The following LYPD6 variants were observed in gnomAD, a reference collection of about 807,000 sequenced individuals.
LYPD6 encodes ly6/PLAUR domain-containing protein 6.
LYPD6 carries 15 observed loss-of-function variants against 22.7 expected under a neutral mutation model. The ratio of observed to expected loss-of-function variants is 0.66; its 90% CI spans 0.44 to 1.02. The LOEUF is 1.02. Ranked by LOEUF, LYPD6 falls within the 50% of genes least tolerant of loss-of-function variation. The pLI is 0.00. For missense variants in LYPD6, 189 were observed against 208.4 expected (o/e 0.91, Z 0.57); for synonymous variants, 72 against 77.5 (o/e 0.93, Z 0.37).
At chr2:149,440,394 G>T in intron 2 of LYPD6, 1 of 165,196 alleles carries the variant, frequency 6.1e-6, no homozygotes. Flanking sequence ...TATCCCGGAA[G>T]AAACTGAAGA....
At chr2:149,423,556 G>A (rs940508166) in intron 1 of LYPD6, among the ~76,000 whole-genome samples, 1 of 152,098 alleles carries the variant, frequency 6.6e-6, no homozygotes, top group Non-Finnish European at 1.5e-5. Flanking sequence ...GCTGAAAAGT[G>A]TCCTAGCCAG....
chr2:149,453,927 A>T (rs1680894993), intron 3 of LYPD6, among the ~76,000 whole-genome samples: 1 of 152,154 alleles, frequency 6.6e-6, no homozygotes, highest in African/African-American at 2.4e-5. Flanking sequence ...GCAATTTATT[A>T]TGGCTTATCT....
intron 1 of LYPD6, among the ~76,000 whole-genome samples, chr2:149,338,007 ATT>A (rs35757769): frequency 6.6e-6 from 1 of 151,876 alleles, no homozygotes; most frequent in African/African-American, 2.4e-5. Flanking sequence ...TATGTACCAC[ATT>A]TTTTTTAATC....
downstream of LYPD6, among the ~76,000 whole-genome samples, chr2:149,475,052 A>C (rs1207560364): frequency 6.6e-6 from 1 of 152,188 alleles, no homozygotes; most frequent in Non-Finnish European, 1.5e-5. Flanking sequence ...GAAATTCTTC[A>C]CTTTATAAAT....
At chr2:149,400,835 C>G (rs1372141305) in intron 1 of LYPD6, among the ~76,000 whole-genome samples, 1 of 152,070 alleles carries the variant, frequency 6.6e-6, no homozygotes, top group Non-Finnish European at 1.5e-5. Context: ...TTGTGTAAAT[C>G]TAGATGGATC....
intron 1 of LYPD6, among the ~76,000 whole-genome samples, chr2:149,422,311 G>A (rs552350401): frequency 1.2e-4 from 19 of 152,286 alleles, no homozygotes; most frequent in South Asian, 1.2e-3. Flanking sequence ...AGCAGTCAGC[G>A]TGCTAGGCTG....
At chr2:149,332,597 G>T (rs1007076421) in intron 1 of LYPD6, among the ~76,000 whole-genome samples, 1 of 152,132 alleles carries the variant, frequency 6.6e-6, no homozygotes, top group Admixed American at 6.5e-5. Context: ...ACTTTTCCAA[G>T]ATCAATAGCA....
At chr2:149,411,924 A>AC (rs1456501236) in intron 1 of LYPD6, among the ~76,000 whole-genome samples, 1 of 152,214 alleles carries the variant, frequency 6.6e-6, no homozygotes, top group Non-Finnish European at 1.5e-5. Flanking sequence ...GACCTAGTGT[A>AC]CATTCTTGTT....
intron 1 of LYPD6, among the ~76,000 whole-genome samples, chr2:149,395,102 A>G: frequency 6.9e-6 from 1 of 145,136 alleles, no homozygotes; most frequent in Non-Finnish European, 1.5e-5. Context: ...GAGACCAACC[A>G]TTTTTTTTTT....
At chr2:149,482,139 T>G in the LYPD6 span, among the ~76,000 whole-genome samples, 1 of 152,066 alleles carries the variant, frequency 6.6e-6, no homozygotes, top group Non-Finnish European at 1.5e-5. Context: ...CTACTTACTT[T>G]AAAAAAAATT....
intron 1 of LYPD6, among the ~76,000 whole-genome samples, chr2:149,345,368 G>A (rs960474674): frequency 3.4e-5 from 5 of 149,232 alleles, no homozygotes; most frequent in South Asian, 2.1e-4. Flanking sequence ...GTGCAGTGGC[G>A]CGATCTCAGG....
intron 1 of LYPD6, among the ~76,000 whole-genome samples, chr2:149,357,155 T>G (rs946986185): frequency 6.6e-6 from 1 of 152,228 alleles, no homozygotes; most frequent in African/African-American, 2.4e-5. Context: ...TATTTTTGGC[T>G]CCTACTTAGT....
At chr2:149,341,443 C>T (rs893825137) in intron 1 of LYPD6, among the ~76,000 whole-genome samples, 5 of 152,108 alleles carry the variant, frequency 3.3e-5, no homozygotes, top group Non-Finnish European at 4.4e-5. Flanking sequence ...CTCTTGTTAC[C>T]TGTATTTTTA....
At chr2:149,368,933 G>C (rs1681741622) in intron 1 of LYPD6, among the ~76,000 whole-genome samples, 1 of 152,104 alleles carries the variant, frequency 6.6e-6, no homozygotes, top group Non-Finnish European at 1.5e-5. Context: ...CAAAATATTG[G>C]GAAAGTGATA....
At chr2:149,458,613 A>G (rs1037614866) in intron 3 of LYPD6, among the ~76,000 whole-genome samples, 13 of 152,254 alleles carry the variant, frequency 8.5e-5, no homozygotes, top group African/African-American at 3.1e-4. Context: ...CAACACCAAG[A>G]TAAATACAGA....
chr2:149,460,081 G>A (rs539934555), intron 3 of LYPD6, among the ~76,000 whole-genome samples: 26 of 152,102 alleles, frequency 1.7e-4, no homozygotes, highest in African/African-American at 6.0e-4. Context: ...AAGCACTGTA[G>A]ATAAATCACA....
chr2:149,372,427 A>G (rs72991480), intron 1 of LYPD6, among the ~76,000 whole-genome samples: 3,404 of 152,308 alleles, frequency 0.022, 99 homozygotes, highest in African/African-American at 0.077. Flanking sequence ...AAAGCCCATG[A>G]GTAGAGGCAG....
chr2:149,420,607 C>A (rs1483051933), intron 1 of LYPD6, among the ~76,000 whole-genome samples: 1 of 152,106 alleles, frequency 6.6e-6, no homozygotes. Context: ...AAGTTACTGC[C>A]AAAGAAGTGA....
At chr2:149,344,439 A>G (rs909673307) in intron 1 of LYPD6, among the ~76,000 whole-genome samples, 8 of 152,354 alleles carry the variant, frequency 5.3e-5, no homozygotes, top group African/African-American at 1.9e-4. Flanking sequence ...TGAAACATTT[A>G]TACTAATAGA....
Sources: allele counts gnomAD v4.1 joint callset (sites outside exome capture counted in the v4.1 genomes callset), GRCh38; gene constraint gnomAD v4.1.1; transcripts MANE v1.5; gene names NCBI Gene and HGNC (gene_info 2026-07-23, HGNC 2026-07-21).